The following ESRRG variants were observed in gnomAD, a reference collection of about 807,000 sequenced individuals.
ESRRG encodes the protein estrogen-related receptor gamma.
In ESRRG, 13 loss-of-function variants were observed where a neutral mutation model predicts 44.0. That is an observed-to-expected ratio of 0.30 (90% confidence interval 0.19 to 0.47). ESRRG has a LOEUF of 0.47. ESRRG is among the 20% of genes least tolerant of loss of function. The pLI, the probability that ESRRG is intolerant of heterozygous loss-of-function variation, is 1.00. For synonymous variants in ESRRG, 215 were observed against 214.6 expected, an observed-to-expected ratio of 1.00 and a Z score of -0.02; for missense variants, 395 against 580.6, an observed-to-expected ratio of 0.68 and a Z score of 3.29.
intron 1 of ESRRG, chr1:216,714,543 C>G (rs940421203): frequency 3.1e-6 from 3 of 972,668 alleles, no homozygotes; most frequent in Non-Finnish European, 2.4e-6. Context: ...AGATAGAAAG[C>G]AAGGCTGTCA....
intron 2 of ESRRG, among the ~76,000 whole-genome samples, chr1:216,659,678 C>T (rs1451746874): frequency 1.3e-5 from 2 of 152,140 alleles, no homozygotes; most frequent in South Asian, 2.1e-4. Context: ...CTATGTGCTG[C>T]TTCTATCATT....
chr1:216,722,601 T>G (rs2086588798), intron 1 of ESRRG, among the ~76,000 whole-genome samples: 1 of 152,164 alleles, frequency 6.6e-6, no homozygotes, highest in Admixed American at 6.5e-5. Flanking sequence ...CTTTAGTTTT[T>G]TTTCCCCCCT....
At chr1:216,573,009 A>G (rs1047932686) in intron 3 of ESRRG, among the ~76,000 whole-genome samples, 1 of 151,998 alleles carries the variant, frequency 6.6e-6, no homozygotes, top group Non-Finnish European at 1.5e-5. Flanking sequence ...ATTACCAAAT[A>G]AGATTATTTT....
chr1:217,126,703 G>A (rs189486692), intron 1 of ESRRG, among the ~76,000 whole-genome samples: 432 of 152,192 alleles, frequency 2.8e-3, no homozygotes, highest in African/African-American at 9.7e-3. Context: ...CCTGCTAATC[G>A]AGTATCCTCA....
intron 3 of ESRRG, among the ~76,000 whole-genome samples, chr1:216,603,945 C>CAAAAAAAAAA (rs144012100): frequency 7.9e-6 from 1 of 127,364 alleles, no homozygotes; most frequent in Non-Finnish European, 1.7e-5. Context: ...AACAAAAAAA[C>CAAAAAAAAAA]AAAAAAAAAA....
chr1:216,569,170 G>GGGAA (rs2060271467), intron 3 of ESRRG, among the ~76,000 whole-genome samples: 1 of 58,358 alleles, frequency 1.7e-5, no homozygotes, highest in African/African-American at 5.2e-5. Context: ...GGGAAGGGAA[G>GGGAA]GGAAGGGAAG....
intron 5 of ESRRG, 49 bp downstream of exon 5, chr1:216,564,170 G>C (rs776597549): frequency 8.2e-7 from 1 of 1,222,558 alleles, no homozygotes; most frequent in Non-Finnish European, 1.1e-6. Context: ...ACATAACCTA[G>C]GGAATTAATT....
intron 1 of ESRRG, among the ~76,000 whole-genome samples, chr1:217,027,267 A>G (rs1448158018): frequency 6.6e-6 from 1 of 152,158 alleles, no homozygotes; most frequent in Non-Finnish European, 1.5e-5. Context: ...TCCTGAACCC[A>G]CATTATAAAT....
At chr1:217,103,398 C>A (rs2092546364) in intron 1 of ESRRG, among the ~76,000 whole-genome samples, 1 of 151,400 alleles carries the variant, frequency 6.6e-6, no homozygotes, top group Non-Finnish European at 1.5e-5. Flanking sequence ...GTAATCCCAG[C>A]ACTTTGGGAG....
At chr1:217,000,496 T>C (rs982035025) in intron 1 of ESRRG, 1 of 152,206 alleles carries the variant, frequency 6.6e-6, no homozygotes, top group East Asian at 1.9e-4. Context: ...CCCAATCAAA[T>C]GATTTCATCT....
intron 1 of ESRRG, among the ~76,000 whole-genome samples, chr1:217,127,681 C>T (rs937146940): frequency 1.3e-5 from 2 of 152,092 alleles, no homozygotes; most frequent in Non-Finnish European, 2.9e-5. Context: ...TGTATGACCT[C>T]GGGCAAGTTA....
At chr1:216,606,479 C>T (rs1202316331) in intron 3 of ESRRG, among the ~76,000 whole-genome samples, 3 of 152,064 alleles carry the variant, frequency 2.0e-5, no homozygotes, top group Non-Finnish European at 2.9e-5. Context: ...TCAAATTGGC[C>T]AGAGATTAAA....
rs956449724 is a variant in ESRRG, at chr1:216,861,183, AAAC to A, written c.-14+78396_-14+78398del. On this transcript the variant is annotated intron_variant, in intron 2 of 7. Transcript: ENST00000359162. ...GAAAGTAAAAATATGAAGAGAAAGA[AAAC>A]AAAAAAATGAAATAAATAAAAAATA... Among the ~76,000 whole-genome samples the A allele has an allele frequency of 2.6e-4, 40 of 152,190 alleles. 1 individual carries two copies. The East Asian group carries it at 4.2e-3, about 16-fold the overall frequency.
At chr1:216,944,638 A>G (rs920707016) in intron 1 of ESRRG, among the ~76,000 whole-genome samples, 1 of 152,172 alleles carries the variant, frequency 6.6e-6, no homozygotes, top group Non-Finnish European at 1.5e-5. Context: ...TCATTTTACC[A>G]GTAAGGAAAG....
At chr1:216,917,850 G>A (rs563819796) in intron 2 of ESRRG, among the ~76,000 whole-genome samples, 15 of 152,292 alleles carry the variant, frequency 9.8e-5, no homozygotes, top group African/African-American at 3.6e-4. Flanking sequence ...TCAATGTCAT[G>A]AGCAATCATA....
chr1:216,550,442 TG>T (rs1433099096), intron 5 of ESRRG, among the ~76,000 whole-genome samples: 1 of 152,104 alleles, frequency 6.6e-6, no homozygotes, highest in Non-Finnish European at 1.5e-5. Flanking sequence ...AGGGAAAAAA[TG>T]AGCAATAATG....
intron 2 of ESRRG, among the ~76,000 whole-genome samples, chr1:216,932,447 A>G (rs1373209310): frequency 6.6e-5 from 10 of 152,198 alleles, no homozygotes; most frequent in African/African-American, 2.2e-4. Context: ...GTAAGATACT[A>G]CTTCCCGATA....
chr1:216,711,673 G>A (rs1168493319), intron 1 of ESRRG, among the ~76,000 whole-genome samples: 2 of 152,166 alleles, frequency 1.3e-5, no homozygotes, highest in African/African-American at 2.4e-5. Context: ...CTTTTTCAGT[G>A]TGTACAATAC....
intron 1 of ESRRG, among the ~76,000 whole-genome samples, chr1:216,951,717 A>ATGTG (rs59233267): frequency 0.12 from 16,752 of 143,488 alleles, 1,134 homozygotes; most frequent in East Asian, 0.32. Context: ...AACTATCACT[A>ATGTG]TGTGTGTGTG....
Sources: gnomAD v4.1 joint callset for allele counts (sites outside exome capture counted in the v4.1 genomes callset) on GRCh38, gnomAD v4.1.1 for gene constraint, MANE v1.5 for transcripts, NCBI Gene and HGNC (gene_info 2026-07-23, HGNC 2026-07-21) for gene names.